The following SHISA6 variants were observed in gnomAD, a reference collection of about 807,000 sequenced individuals.
SHISA6 encodes the protein shisa family member 6.
SHISA6 carries 22 observed loss-of-function variants against 47.9 expected under a neutral mutation model. The observed-to-expected ratio is 0.46, with a 90% CI of 0.33 to 0.66. The LOEUF is 0.66. SHISA6 is among the 30% of genes least tolerant of loss of function. The pLI is 0.02. For missense variants in SHISA6, 680 were observed against 764.6 expected (o/e 0.89, Z 1.30); for synonymous variants, 388 against 337.8 (o/e 1.15, Z -1.63).
At chr17:11,254,626 C>G (rs1907942536) in intron 1 of SHISA6, among the ~76,000 whole-genome samples, 1 of 152,200 alleles carries the variant, frequency 6.6e-6, no homozygotes, top group Non-Finnish European at 1.5e-5. Context: ...GCTGCCCCTA[C>G]CTCTGGAGGC....
chr17:11,372,093 T>C (rs1420271229), intron 2 of SHISA6, among the ~76,000 whole-genome samples: 1 of 152,236 alleles, frequency 6.6e-6, no homozygotes, highest in Non-Finnish European at 1.5e-5. Flanking sequence ...TTCAACTTTC[T>C]GTATCTTGGA....
chr17:11,502,948 C>T (rs551591064), intron 3 of SHISA6, among the ~76,000 whole-genome samples: 1 of 152,156 alleles, frequency 6.6e-6, no homozygotes, highest in African/African-American at 2.4e-5. Context: ...ATTTCAGGGT[C>T]GGGTCTTTGG....
At chr17:11,458,770 G>A (rs1915617669) in intron 3 of SHISA6, among the ~76,000 whole-genome samples, 1 of 152,176 alleles carries the variant, frequency 6.6e-6, no homozygotes. Flanking sequence ...GGCTCCACAT[G>A]GATCTGCTGC....
Position 11,535,563 on chromosome 17 carries a change from C to T in SHISA6, c.896-16333C>T, listed in dbSNP as rs146573641. Reference sequence around the variant, plus strand: ...GATTAGAAGCAGTGTGAACCTTTGTCCAAGAATCAGCCATTTATTACCAGT... The same window carrying T: ...GATTAGAAGCAGTGTGAACCTTTGTTCAAGAATCAGCCATTTATTACCAGT... On this transcript the variant is annotated intron_variant, in intron 3 of 5. Transcript: ENST00000441885. Among the ~76,000 whole-genome samples the T allele has an allele frequency of 2.5e-3, 379 of 152,248 alleles. 3 individuals are homozygous for T. The highest frequency in any genetic ancestry group is 7.3e-3 in the African/African-American group (302 of 41,548).
intron 2 of SHISA6, among the ~76,000 whole-genome samples, chr17:11,325,579 T>C (rs770112909): frequency 2.0e-5 from 3 of 151,952 alleles, no homozygotes; most frequent in Non-Finnish European, 4.4e-5. Flanking sequence ...GAAAGAAACA[T>C]TTCTCATTTA....
At chr17:11,482,565 A>T (rs1916248949) in intron 3 of SHISA6, among the ~76,000 whole-genome samples, 1 of 152,242 alleles carries the variant, frequency 6.6e-6, no homozygotes. Context: ...ACGATGAATG[A>T]AAAAGCTCAC....
At chr17:11,323,805 G>A (rs1023751914) in intron 2 of SHISA6, among the ~76,000 whole-genome samples, 2 of 152,008 alleles carry the variant, frequency 1.3e-5, no homozygotes, top group East Asian at 1.9e-4. Context: ...CGCTCCAGGG[G>A]CCTCAGCATG....
intron 3 of SHISA6, among the ~76,000 whole-genome samples, chr17:11,525,441 T>C (rs930465574): frequency 6.6e-6 from 1 of 151,138 alleles, no homozygotes; most frequent in Non-Finnish European, 1.5e-5. Flanking sequence ...GAGACCATCC[T>C]GGCAAACACG....
chr17:11,251,670 C>T (rs778112339), intron 1 of SHISA6, among the ~76,000 whole-genome samples: 1 of 152,202 alleles, frequency 6.6e-6, no homozygotes, highest in Non-Finnish European at 1.5e-5. Context: ...CAAGACACAG[C>T]ACTTTAGCCA....
chr17:11,350,479 C>T (rs1044885397), intron 2 of SHISA6, among the ~76,000 whole-genome samples: 4 of 151,968 alleles, frequency 2.6e-5, no homozygotes, highest in Admixed American at 6.6e-5. Flanking sequence ...CGTGCCCAGC[C>T]GAGGACCCAT....
intron 3 of SHISA6, among the ~76,000 whole-genome samples, chr17:11,519,201 C>T (rs558561509): frequency 6.6e-6 from 1 of 152,282 alleles, no homozygotes; most frequent in African/African-American, 2.4e-5. Flanking sequence ...CTTGACTACA[C>T]AAACACTATT....
At chr17:11,373,292 G>T (rs1912687492) in intron 2 of SHISA6, among the ~76,000 whole-genome samples, 1 of 151,518 alleles carries the variant, frequency 6.6e-6, no homozygotes, top group African/African-American at 2.4e-5. Flanking sequence ...GGATAATTTG[G>T]CAATGAATAA....
At chr17:11,351,214 T>C (rs1025153982) in intron 2 of SHISA6, among the ~76,000 whole-genome samples, 1 of 152,122 alleles carries the variant, frequency 6.6e-6, no homozygotes, top group African/African-American at 2.4e-5. Flanking sequence ...ACCTAGATGA[T>C]GGTTTCATAG....
At chr17:11,399,369 C>T (rs1286599383) in intron 3 of SHISA6, among the ~76,000 whole-genome samples, 1 of 152,150 alleles carries the variant, frequency 6.6e-6, no homozygotes, top group Non-Finnish European at 1.5e-5. Context: ...TATTGTGTCA[C>T]TGACAAGTAT....
chr17:11,540,245 CT>C, intron 3 of SHISA6, among the ~76,000 whole-genome samples: 1 of 152,302 alleles, frequency 6.6e-6, no homozygotes, highest in African/African-American at 2.4e-5. Flanking sequence ...CTCCTGGATG[CT>C]GACCTGTGGG....
intron 2 of SHISA6, among the ~76,000 whole-genome samples, chr17:11,301,517 G>A (rs1183863030): frequency 6.6e-6 from 1 of 152,184 alleles, no homozygotes; most frequent in Non-Finnish European, 1.5e-5. Context: ...CCAGAGAACT[G>A]TGATAAAGGC....
At chr17:11,506,607 A>G (rs1307829945) in intron 3 of SHISA6, among the ~76,000 whole-genome samples, 3 of 152,296 alleles carry the variant, frequency 2.0e-5, no homozygotes, top group Middle Eastern at 3.4e-3. Flanking sequence ...GTTGCACTCA[A>G]CTAGTCCCCT....
chr17:11,255,579 C>T (rs1426235625), intron 1 of SHISA6, among the ~76,000 whole-genome samples: 6 of 152,208 alleles, frequency 3.9e-5, no homozygotes, highest in African/African-American at 1.4e-4. Flanking sequence ...CGGGAAGGAA[C>T]AGGCTCTCTT....
chr17:11,500,129 G>T (rs2071439411), intron 3 of SHISA6, among the ~76,000 whole-genome samples: 1 of 152,144 alleles, frequency 6.6e-6, no homozygotes, highest in South Asian at 2.1e-4. Context: ...ATTCAGACGG[G>T]CACACCCTGG....
Sources: gnomAD v4.1 joint callset for allele counts (sites outside exome capture counted in the v4.1 genomes callset) on GRCh38, gnomAD v4.1.1 for gene constraint, MANE v1.5 for transcripts, NCBI Gene and HGNC (gene_info 2026-07-23, HGNC 2026-07-21) for gene names.